Variants in EPAS1 observed in about 807,000 individuals in gnomAD.
EPAS1 encodes endothelial PAS domain protein 1, also known as endothelial PAS domain-containing protein 1.
EPAS1 carries 23 observed loss-of-function variants against 87.9 expected under a neutral mutation model. That is an observed-to-expected ratio of 0.26 (90% CI 0.19 to 0.37). EPAS1 has a LOEUF of 0.37. EPAS1 is among the 10% of genes least tolerant of loss of function. EPAS1 has a pLI of 1.00. For missense variants in EPAS1, 1,138 were observed against 1,120.7 expected, an observed-to-expected ratio of 1.02 and a Z score of -0.22; for synonymous variants, 508 against 444.3, an observed-to-expected ratio of 1.14 and a Z score of -1.80.
intron 1 of EPAS1, among the ~76,000 whole-genome samples, chr2:46,303,795 TTA>T (rs1416303406): frequency 6.6e-6 from 1 of 152,206 alleles, no homozygotes; most frequent in Non-Finnish European, 1.5e-5. Flanking sequence ...GGTGACTGTC[TTA>T]TGTTTCAGAG....
intron 8 of EPAS1, among the ~76,000 whole-genome samples, chr2:46,376,291 C>T (rs1459917569): frequency 6.6e-6 from 1 of 152,154 alleles, no homozygotes; most frequent in Non-Finnish European, 1.5e-5. Context: ...TATATACCAC[C>T]CCACTCAAGT....
intron 8 of EPAS1, among the ~76,000 whole-genome samples, chr2:46,376,329 G>A (rs764858816): frequency 4.6e-5 from 7 of 152,256 alleles, no homozygotes; most frequent in Middle Eastern, 3.4e-3. Flanking sequence ...AACAGGATCC[G>A]AAACAGACAT....
At position 46,317,231 on chromosome 2, in the gene EPAS1, T is replaced by G. The variant is rs75564122; in HGVS notation, c.26+19294T>G. Reference sequence around the variant, plus strand: ...ATCCTCCCACAAATTACAAATGCTGTTAATGGTATCTAGAATGGTGAACTC... The same window carrying G: ...ATCCTCCCACAAATTACAAATGCTGGTAATGGTATCTAGAATGGTGAACTC... On this transcript the variant is annotated intron_variant, in intron 1 of 15. Coordinates refer to ENST00000263734, the MANE Select transcript of EPAS1 (RefSeq NM_001430.5). 8.9e-3 allele frequency among the ~76,000 whole-genome samples: 1,358 copies of G among 152,366 alleles called. 23 individuals are homozygous for G. The highest frequency in any genetic ancestry group is 0.031 in the African/African-American group (1,304 of 41,582).
chr2:46,372,380 C>T (rs115585671), intron 7 of EPAS1, among the ~76,000 whole-genome samples: 272 of 152,344 alleles, frequency 1.8e-3, no homozygotes, highest in African/African-American at 6.1e-3. Context: ...TCTAGACTAA[C>T]TGGAGGCTCA....
At chr2:46,308,342 T>G (rs958254679) in intron 1 of EPAS1, among the ~76,000 whole-genome samples, 8 of 152,118 alleles carry the variant, frequency 5.3e-5, no homozygotes, top group African/African-American at 1.2e-4. Flanking sequence ...CCTGCTTATA[T>G]TTCCTTGTTA....
chr2:46,374,215 A>G (rs1415508629), intron 7 of EPAS1, among the ~76,000 whole-genome samples: 1 of 152,214 alleles, frequency 6.6e-6, no homozygotes, highest in Admixed American at 6.5e-5. Flanking sequence ...CCTCAGCTGT[A>G]CAGGGCTGAT....
At chr2:46,339,280 A>G (rs1190926796) in intron 1 of EPAS1, among the ~76,000 whole-genome samples, 3 of 152,214 alleles carry the variant, frequency 2.0e-5, no homozygotes, top group African/African-American at 4.8e-5. Context: ...AATATGCATT[A>G]CCCTTATCTT....
chr2:46,320,707 T>C (rs1454321228), intron 1 of EPAS1, among the ~76,000 whole-genome samples: 2 of 152,156 alleles, frequency 1.3e-5, no homozygotes, highest in Non-Finnish European at 1.5e-5. Flanking sequence ...CCCGTGCCAT[T>C]ATCATCTTAG....
intron 6 of EPAS1, among the ~76,000 whole-genome samples, chr2:46,367,204 T>A (rs1684521362): frequency 6.6e-6 from 1 of 152,260 alleles, no homozygotes; most frequent in South Asian, 2.1e-4. Context: ...CATTTTATTA[T>A]GAGGCAGATT....
At chr2:46,312,508 A>G (rs966768905) in intron 1 of EPAS1, among the ~76,000 whole-genome samples, 4 of 152,242 alleles carry the variant, frequency 2.6e-5, no homozygotes, top group African/African-American at 7.2e-5. Flanking sequence ...TATTATCTCA[A>G]TAGAACTTTG....
chr2:46,309,993 G>C (rs1160576144), intron 1 of EPAS1, among the ~76,000 whole-genome samples: 7 of 152,174 alleles, frequency 4.6e-5, no homozygotes, highest in African/African-American at 1.7e-4. Context: ...CTATAATATT[G>C]ACCTCAAAGC....
intron 1 of EPAS1, among the ~76,000 whole-genome samples, chr2:46,316,597 G>A (rs1458013846): frequency 6.6e-6 from 1 of 152,132 alleles, no homozygotes; most frequent in Non-Finnish European, 1.5e-5. Context: ...ATATTTTATT[G>A]CTAAAAGAAA....
intron 1 of EPAS1, among the ~76,000 whole-genome samples, chr2:46,318,232 GA>G (rs756022624): frequency 4.6e-5 from 7 of 151,584 alleles, no homozygotes; most frequent in Non-Finnish European, 8.8e-5. Flanking sequence ...ACAATCACTG[GA>G]CCAGTCAGAA....
At chr2:46,377,716 C>T (rs766737444) in intron 9 of EPAS1, among the ~76,000 whole-genome samples, 178 bp from the exon 10 acceptor site, 1 of 152,178 alleles carries the variant, frequency 6.6e-6, no homozygotes, top group Non-Finnish European at 1.5e-5. Flanking sequence ...TACGTTGACT[C>T]ATAGCCAGAG....
At chr2:46,305,281 G>T (rs964529835) in intron 1 of EPAS1, among the ~76,000 whole-genome samples, 2 of 152,196 alleles carry the variant, frequency 1.3e-5, no homozygotes, top group Non-Finnish European at 2.9e-5. Context: ...GTGTGGAATG[G>T]ACAAGAATGT....
chr2:46,356,013 C>A, intron 2 of EPAS1, 138 bp from the exon 3 acceptor site: 2 of 907,610 alleles, frequency 2.2e-6, no homozygotes, highest in Non-Finnish European at 1.8e-6. Context: ...GGCAGACATT[C>A]AGATGGTTGG....
chr2:46,377,111 G>A lies in EPAS1; in HGVS notation c.1249+358G>A, dbSNP rs113441808. Among the ~76,000 whole-genome samples, 344 of 152,344 alleles carry A rather than the reference G, an allele frequency of 2.3e-3. 4 individuals carry two copies. Among genetic ancestry groups the A allele is most frequent in the African/African-American group, 8.0e-3 (333 of 41,582 alleles). ...GCCACTTGGACACTGTCAAAGAGAA[G>A]GGGCAGATTCCTACCAGGGTCTGGA... On this transcript the variant is annotated intron_variant, in intron 9 of 15. Coordinates refer to ENST00000263734, the MANE Select transcript of EPAS1 (RefSeq NM_001430.5).
In EPAS1 at chr2:46,377,880, C is replaced by T. The variant is rs1473429293; in HGVS notation, c.1250-14C>T. 6 of 1,551,946 alleles carry T rather than the reference C, an allele frequency of 3.9e-6. No individual in the cohort carries two copies. The highest frequency in any genetic ancestry group is 2.4e-5 in the East Asian group (1 of 40,932). On this transcript the variant is annotated splice_polypyrimidine_tract_variant and intron_variant, in intron 9 of 15. Transcript: ENST00000263734. ...GGTTGTGGGTGTTCACCTCCCAGGC[C>T]CTTGTCTCCACAGGGAATCAGAACT...
chr2:46,383,355 C>T (rs1684944000), intron 15 of EPAS1, among the ~76,000 whole-genome samples: 1 of 152,240 alleles, frequency 6.6e-6, no homozygotes, highest in African/African-American at 2.4e-5. Context: ...CTGCCTTCAA[C>T]CCTGGGCCAC....
Sources: allele counts gnomAD v4.1 joint callset (sites outside exome capture counted in the v4.1 genomes callset), GRCh38; gene constraint gnomAD v4.1.1; transcripts MANE v1.5; gene names NCBI Gene and HGNC (gene_info 2026-07-23, HGNC 2026-07-21).